The following RNF207 variants were observed in gnomAD, a reference collection of about 807,000 sequenced individuals.
RNF207 encodes the protein ring finger protein 207.
In RNF207, 72 loss-of-function variants were observed where a neutral mutation model predicts 79.0. The observed-to-expected ratio is 0.91, with a 90% confidence interval of 0.75 to 1.11. The LOEUF is 1.11. RNF207 is among the 50% of genes least tolerant of loss of function. The pLI, the probability that RNF207 is intolerant of heterozygous loss-of-function variation, is 0.00. For missense variants in RNF207, 936 were observed against 855.8 expected (o/e 1.09, Z -1.17); for synonymous variants, 348 against 366.2 (o/e 0.95, Z 0.57).
Position 6,219,489 on chromosome 1 carries a change from GTTTTT to G in RNF207, c.*86_*90del, listed in dbSNP as rs992059513. 3.7e-6 allele frequency: 4 copies of G among 1,067,958 alleles called. No homozygotes were observed. The East Asian group carries it at 7.7e-5, about 21-fold the overall frequency. 66.2% of individuals were successfully genotyped at this position (1,067,958 alleles called of 1,614,324 possible). ...TGGACAGAAGGTTGTTCCCATGATG[GTTTTT>G]TTTATTTTTTATTTTTGAGATGGAG... On this transcript the variant is annotated 3_prime_UTR_variant, in exon 18 of 18. Transcript: ENST00000377939.
In RNF207 at chr1:6,218,331, C is replaced by G. The variant is rs878884918; in HGVS notation, c.1695C>G (p.Asn565Lys). ...PVDEQSESLQNTHDDSRNNAA... is the reference protein window; with the variant it reads ...PVDEQSESLQKTHDDSRNNAA... The stretch of plus-strand genomic sequence containing the variant: ...ATGAGCAGTCAGAGAGTCTACAGAA[C>G]ACGCACGACGACAGCAGGAACAACG... The change falls in exon 17 of 18, where the codon AAC becomes AAG. Residue 565 changes from asparagine to lysine, a missense_variant. Coordinates refer to ENST00000377939, the MANE Select transcript of RNF207 (RefSeq NM_207396.3). 1 of 1,614,058 alleles carries G rather than the reference C, an allele frequency of 6.2e-7. No individual in the cohort carries two copies.
chr1:6,207,726 G>GTCCAGACAGA lies in RNF207; in HGVS notation c.324+215_324+216insTCCAGACAGA. 1 of 707,736 alleles carries GTCCAGACAGA rather than the reference G, an allele frequency of 1.4e-6. No homozygotes were observed. The highest frequency in any genetic ancestry group is 1.7e-5 in the African/African-American group (1 of 57,398). The allele number at this position is 707,736 out of a possible 1,614,324, so 43.8% of individuals were successfully genotyped here. Reference sequence around the variant, plus strand: ...GGACTTGAGCCAGTGTCCAGACAGTGGCAGAGGCTAAGGCCATTCGATCTG... The same window carrying GTCCAGACAGA: ...GGACTTGAGCCAGTGTCCAGACAGTGTCCAGACAGAGCAGAGGCTAAGGCCATTCGATCTG... On this transcript the variant is annotated intron_variant, in intron 3 of 17. Transcript: ENST00000377939. The surrounding 1 kb of genome is among the most constrained non-coding windows in gnomAD (Gnocchi z 4.5).
At chr1:6,212,862 G>C in intron 15 of RNF207, 129 bp downstream of exon 15, 1 of 869,498 alleles carries the variant, frequency 1.2e-6, no homozygotes, top group East Asian at 2.4e-5. Flanking sequence ...GCGCTTGACC[G>C]TGCCTCCCAG....
chr1:6,209,889 G>T, intron 7 of RNF207, 35 bp from the exon 8 acceptor site: 2 of 1,560,234 alleles, frequency 1.3e-6, no homozygotes, highest in Non-Finnish European at 1.7e-6. Flanking sequence ...CAGGGCTGGG[G>T]CGCAAATCAA....
intron 2 of RNF207, among the ~76,000 whole-genome samples, chr1:6,206,997 C>T (rs1051156256): frequency 3.3e-5 from 5 of 152,186 alleles, no homozygotes; most frequent in African/African-American, 1.2e-4. Flanking sequence ...GGGGCTCCAG[C>T]ACTGGTCAGG....
rs1310203228 is a variant in RNF207, at chr1:6,219,342, GATC to G, written c.1845_1847del (p.His616del). On this transcript the variant is annotated inframe_deletion, in exon 18 of 18. Transcript: ENST00000377939. The stretch of plus-strand genomic sequence containing the variant: ...AGAAGAGCCTCTACTGAAAAATATG[GATC>G]ATCACAGATCCAAACAGAAAAATGG... The G allele has an allele frequency of 6.2e-7, 1 of 1,612,962 alleles. No individual in the cohort carries two copies.
intron 16 of RNF207, 138 bp from the exon 17 acceptor site, chr1:6,218,151 A>G: frequency 3.2e-6 from 2 of 631,326 alleles, no homozygotes; most frequent in Non-Finnish European, 2.8e-6. Context: ...ACCTTAGTAA[A>G]TATTTGAGGA....
intron 14 of RNF207, 116 bp downstream of exon 14, chr1:6,212,532 G>A (rs909263433): frequency 7.1e-6 from 9 of 1,261,196 alleles, no homozygotes; most frequent in Non-Finnish European, 1.0e-5. Flanking sequence ...CCCTCATGTG[G>A]CAGGGTCTGG....
chr1:6,210,330 T>G (rs1557586643), intron 9 of RNF207, 35 bp downstream of exon 9: 1 of 1,612,576 alleles, frequency 6.2e-7, no homozygotes, highest in East Asian at 2.2e-5. Flanking sequence ...GGGTCCCTCC[T>G]CCTCCCCGGC....
At position 6,220,765 on chromosome 1, in the gene RNF207, A is replaced by G. The variant is rs1668521682; in HGVS notation, c.*1358A>G. On this transcript the variant is annotated 3_prime_UTR_variant, in exon 18 of 18. Transcript: ENST00000377939. ...TCCATTTCTCCACAGTATCCTTTTCATTTAGAGGAGCTTAATAAATGCTTT... is the reference window on the plus strand; with the variant it reads ...TCCATTTCTCCACAGTATCCTTTTCGTTTAGAGGAGCTTAATAAATGCTTT... The G allele has an allele frequency of 6.6e-6, 1 of 152,110 alleles. No homozygotes were observed. The highest frequency in any genetic ancestry group is 1.9e-4 in the East Asian group (1 of 5,198). The allele number at this position is 152,110 out of a possible 1,614,324, so 9.4% of individuals were successfully genotyped here.
chr1:6,210,178 C>A, intron 8 of RNF207, 45 bp from the exon 9 acceptor site: 1 of 1,540,668 alleles, frequency 6.5e-7, no homozygotes, highest in Non-Finnish European at 8.9e-7. Flanking sequence ...AACTGCCCGG[C>A]CCTGCTCCTG....
chr1:6,210,663 A>C, intron 10 of RNF207: 1 of 640,784 alleles, frequency 1.6e-6, no homozygotes, highest in Non-Finnish European at 2.8e-6. Flanking sequence ...CGTGGGGCGG[A>C]GTGACCACTG....
At chr1:6,210,334 C>T (rs1469855669) in intron 9 of RNF207, 36 bp from the exon 10 acceptor site, 6 of 1,612,990 alleles carry the variant, frequency 3.7e-6, no homozygotes, top group Middle Eastern at 1.7e-4. Flanking sequence ...CCCTCCTCCT[C>T]CCCGGCCAGG....
Position 6,209,025 on chromosome 1 carries a change from AGT to A in RNF207, c.469+2_469+3del. 9.3e-7 allele frequency: 1 copy of A among 1,074,892 alleles called. No individual in the cohort carries two copies. Among genetic ancestry groups the A allele is most frequent in the African/African-American group, 2.1e-5 (1 of 47,868 alleles). 66.6% of individuals were successfully genotyped at this position (1,074,892 alleles called of 1,614,324 possible). On this transcript the variant is annotated splice_donor_variant, in intron 4 of 17. Transcript: ENST00000377939. LOFTEE classifies it high-confidence loss of function. ...AAGCCGCGACGTGCCCCAGAAGTGC[AGT>A]GAGTGAGGCTTGCGGGGCCGGGGAC...
chr1:6,208,624 A>G, intron 3 of RNF207: 1 of 509,690 alleles, frequency 2.0e-6, no homozygotes, highest in South Asian at 2.6e-5. Flanking sequence ...AATGTTTTAT[A>G]AAGGCAGTTT....
Position 6,207,512 on chromosome 1 carries a change from G to T in RNF207, c.324+1G>T. ...CTGTGACCTGGAGTGCAGCGAGCAG[G>T]CAGGGGCGGCAGGGCGGGTGGGTGA... On this transcript the variant is annotated splice_donor_variant, in intron 3 of 17. Transcript: ENST00000377939. LOFTEE classifies it high-confidence loss of function. The surrounding 1 kb of genome is among the most constrained non-coding windows in gnomAD (Gnocchi z 4.5). The T allele has an allele frequency of 6.3e-7, 1 of 1,597,622 alleles. No homozygotes were observed. The highest frequency in any genetic ancestry group is 8.5e-7 in the Non-Finnish European group (1 of 1,173,504).
rs1198714646 is a variant in RNF207, at chr1:6,215,177, C to T, written c.1652+1994C>T. Among the ~76,000 whole-genome samples, 4 of 151,054 alleles carry T rather than the reference C, an allele frequency of 2.6e-5. 1 individual carries two copies. Among genetic ancestry groups the T allele is most frequent in the South Asian group, 4.2e-4 (2 of 4,756 alleles). ...CCGAGTAGCTGGGATTACAGGCATG[C>T]GCCACCACGCCCGGCTAATTTTGTA... On this transcript the variant is annotated intron_variant, in intron 16 of 17. Transcript: ENST00000377939.
At chr1:6,215,312 G>A (rs1668325624) in intron 16 of RNF207, among the ~76,000 whole-genome samples, 1 of 151,090 alleles carries the variant, frequency 6.6e-6, no homozygotes, top group Non-Finnish European at 1.5e-5. Context: ...ACAGGCGTGA[G>A]CCACTGCACC....
intron 2 of RNF207, 129 bp downstream of exon 2, chr1:6,206,855 A>C (rs1453561303): frequency 5.6e-6 from 4 of 711,718 alleles, no homozygotes; most frequent in Non-Finnish European, 9.2e-6. Context: ...ACTGGGAGAT[A>C]CTGCACCCGG....
Sources: allele counts gnomAD v4.1 joint callset (sites outside exome capture counted in the v4.1 genomes callset), GRCh38; gene constraint gnomAD v4.1.1; non-coding constraint Gnocchi (gnomAD v3.1); transcripts MANE v1.5; gene names NCBI Gene and HGNC (gene_info 2026-07-23, HGNC 2026-07-21).